Variants in FTCD observed in about 807,000 individuals in gnomAD.
The protein encoded by FTCD is formimidoyltransferase cyclodeaminase, also known as formimidoyltransferase-cyclodeaminase.
A neutral mutation model predicts 62.9 loss-of-function variants in FTCD; 76 were observed. The ratio of observed to expected loss-of-function variants is 1.21; its 90% CI spans 1.00 to 1.46. The LOEUF (loss-of-function observed/expected upper bound fraction) is 1.46. FTCD is among the 40% of genes most tolerant of loss of function. The pLI, the probability that FTCD is intolerant of heterozygous loss-of-function variation, is 0.00. For missense variants in FTCD, 845 were observed against 751.3 expected (o/e 1.12, Z -1.46); for synonymous variants, 397 against 336.9 (o/e 1.18, Z -1.95).
Position 46,136,871 on chromosome 21 carries a change from C to T in FTCD, c.*116G>A, listed in dbSNP as rs200165334. On this transcript the variant is annotated 3_prime_UTR_variant, in exon 14 of 14. Transcript: ENST00000397746. ...TTCCCAGGCGATGCCCCGCTGCCTGCCCACCTACCCTCCGGGCCCCACACG... is the reference window on the plus strand; with the variant it reads ...TTCCCAGGCGATGCCCCGCTGCCTGTCCACCTACCCTCCGGGCCCCACACG... The T allele has an allele frequency of 5.7e-6, 9 of 1,565,256 alleles. No individual in the cohort carries two copies. The highest frequency in any genetic ancestry group is 6.1e-6 in the Non-Finnish European group (7 of 1,155,682).
intron 12 of FTCD, 125 bp downstream of exon 12, chr21:46,138,383 G>GC: frequency 1.1e-6 from 1 of 895,552 alleles, no homozygotes; most frequent in Non-Finnish European, 1.7e-6. Context: ...CCCGGGAACT[G>GC]CCCGTGAAGT....
chr21:46,145,863 A>T lies in FTCD; in HGVS notation c.1053T>A (p.Ser351=). ...RAFVGEVGAR[S]AAPGGGSVAA... ...CCACCGAGCCGCCCCCGGGGGCCGC[A>T]GAGCGGGCACCCACCTCCCCCACGA... Residue 351 remains serine (S), a synonymous_variant, in exon 9 of 14, where the codon TCT becomes TCA. Coordinates refer to ENST00000397746, the MANE Select transcript of FTCD (RefSeq NM_206965.2). The T allele has an allele frequency of 8.6e-7, 1 of 1,168,958 alleles. No homozygotes were observed. 72.4% of individuals were successfully genotyped at this position (1,168,958 alleles called of 1,614,324 possible). A position where few individuals can be genotyped will look rare whatever the true frequency, so the allele number is the denominator to read the frequency against.
chr21:46,139,027 G>A (rs909629301), intron 10 of FTCD, 104 bp from the exon 11 acceptor site: 1 of 887,798 alleles, frequency 1.1e-6, no homozygotes, highest in South Asian at 1.3e-5. Flanking sequence ...TCCCAGGCAG[G>A]GACCAGTTCT....
At position 46,155,498 on chromosome 21, in the gene FTCD, G is replaced by C; in HGVS notation, c.26C>G (p.Pro9Arg). 1 of 1,613,034 alleles carries C rather than the reference G, an allele frequency of 6.2e-7. No homozygotes were observed. Among genetic ancestry groups the C allele is most frequent in the Non-Finnish European group, 8.5e-7 (1 of 1,179,946 alleles). The change falls in exon 1 of 14, where the codon CCC (proline) becomes CGC (arginine). Residue 9 changes from proline (P) to arginine (R), a missense_variant. Physicochemically the swap from Pro to Arg is moderately radical, Grantham distance 103. Transcript: ENST00000397746. MSQLVECV[P>R]NFSEGKNQEV... ...CTGGTTCTTCCCCTCCGAAAAGTTG[G>C]GGACGCATTCCACCAGCTGGGACAT... is the stretch of plus-strand genomic sequence containing the variant.
In FTCD at chr21:46,154,481, G is replaced by A. The variant is rs550731786; in HGVS notation, c.55-149C>T. ...CTCTCCGACAAGCTGAGCTCCCACC[G>A]AAAGTGCCCGCACACAGCGGCCGCC... On this transcript the variant is annotated intron_variant, in intron 1 of 13. Coordinates refer to ENST00000397746, the MANE Select transcript of FTCD (RefSeq NM_206965.2). 2.0e-4 allele frequency: 203 copies of A among 1,006,610 alleles called. No homozygotes were observed. The East Asian group carries it at 4.0e-3, about 20-fold the overall frequency. The allele number at this position is 1,006,610 out of a possible 1,614,324, so 62.4% of individuals were successfully genotyped here.
chr21:46,138,497 G>C lies in FTCD; in HGVS notation c.1443+11C>G, dbSNP rs1280397326. On this transcript the variant is annotated intron_variant, in intron 12 of 13. Transcript: ENST00000397746. ...GCGGCAGGAGGCCTGGGGTCCCCCG[G>C]GCCCCCCTACCTGGAGGTCTGACCG... 1.3e-6 allele frequency: 2 copies of C among 1,578,554 alleles called. No individual in the cohort carries two copies. Among genetic ancestry groups the C allele is most frequent in the Non-Finnish European group, 8.6e-7 (1 of 1,169,508 alleles).
In FTCD at chr21:46,137,378, A is replaced by C. The variant is rs374050212; in HGVS notation, c.1444-44T>G. On this transcript the variant is annotated intron_variant, in intron 12 of 13. Coordinates refer to ENST00000397746, the MANE Select transcript of FTCD (RefSeq NM_206965.2). ...GCCCCTACATGGATCAAGGCTGAGC[A>C]AACTGCCGGAAGGAGGGTCTCTGCC... 11 of 1,425,886 alleles carry C rather than the reference A, an allele frequency of 7.7e-6. No individual in the cohort carries two copies. The African/African-American group carries it at 1.4e-4, about 18-fold the overall frequency. 88.3% of individuals were successfully genotyped at this position (1,425,886 alleles called of 1,614,324 possible).
In FTCD at chr21:46,150,259, G is replaced by T. The variant is rs770178727; in HGVS notation, c.775-9C>A. 2.5e-6 allele frequency: 4 copies of T among 1,608,628 alleles called. No homozygotes were observed. Among genetic ancestry groups the T allele is most frequent in the South Asian group, 2.2e-5 (2 of 90,410 alleles). On this transcript the variant is annotated splice_polypyrimidine_tract_variant and intron_variant, in intron 6 of 13. Coordinates refer to ENST00000397746, the MANE Select transcript of FTCD (RefSeq NM_206965.2). The stretch of plus-strand genomic sequence containing the variant: ...ACTGGGAGGCTCAGCTCCTGCCAAG[G>T]CACAGGCAGCGTCACCCCCTGGGGG...
chr21:46,150,388 C>T lies in FTCD; in HGVS notation c.774G>A (p.Gln258=), dbSNP rs769573553. The change falls in exon 6 of 14, where the codon CAG becomes CAA. Residue 258 remains glutamine, a splice_region_variant and synonymous_variant. Coordinates refer to ENST00000397746, the MANE Select transcript of FTCD (RefSeq NM_206965.2). ...CAGCAGCGGCTGCTCCCGGGCTCAC[C>T]TGTGCTTCTCGGCAGGTCTCCTCGT... is the stretch of plus-strand genomic sequence containing the variant. ...TVYEETCREA[Q]ELSLPVVGSQ... is the part of the protein sequence containing the mutation. 6 of 1,612,922 alleles carry T rather than the reference C, an allele frequency of 3.7e-6. No individual in the cohort carries two copies. In the South Asian group the frequency reaches 4.4e-5, roughly 12 times the overall value.
chr21:46,150,174 A>G lies in FTCD; in HGVS notation c.851T>C (p.Phe284Ser). ...GAAGAGGTTCTCCTTCTCGCAGTAGAAGGCGGCCGCATCCAGCAGAGCCTT... is the reference window on the plus strand; with the variant it reads ...GAAGAGGTTCTCCTTCTCGCAGTAGGAGGCGGCCGCATCCAGCAGAGCCTT... ...PLKALLDAAA[F>S]YCEKENLFIL... Residue 284 changes from phenylalanine to serine, a missense_variant, in exon 7 of 14, where the codon TTC becomes TCC. Transcript: ENST00000397746. 6.2e-7 allele frequency: 1 copy of G among 1,610,342 alleles called. No homozygotes were observed. The highest frequency in any genetic ancestry group is 8.5e-7 in the Non-Finnish European group (1 of 1,179,024).
chr21:46,137,843 G>A (rs1056222997), intron 12 of FTCD, among the ~76,000 whole-genome samples: 1 of 102,108 alleles, frequency 9.8e-6, no homozygotes, highest in Non-Finnish European at 2.1e-5. Flanking sequence ...CTGCCCAGCT[G>A]TGGCCCCTGT....
chr21:46,141,913 G>GC (rs1204822473), intron 10 of FTCD, among the ~76,000 whole-genome samples: 24 of 152,264 alleles, frequency 1.6e-4, no homozygotes, highest in African/African-American at 5.5e-4. Context: ...GGGTGCCCTG[G>GC]GCCCCCCCGG....
At chr21:46,138,961 T>G (rs1429544496) in intron 10 of FTCD, 38 bp from the exon 11 acceptor site, 2 of 1,552,672 alleles carry the variant, frequency 1.3e-6, no homozygotes, top group South Asian at 2.2e-5. Flanking sequence ...CGAGGGACCG[T>G]AGGGGGAGCA....
At chr21:46,137,969 T>C (rs1463936852) in intron 12 of FTCD, among the ~76,000 whole-genome samples, 1 of 152,216 alleles carries the variant, frequency 6.6e-6, no homozygotes, top group Non-Finnish European at 1.5e-5. Flanking sequence ...TGATCACGGC[T>C]CACTGCAGCC....
intron 3 of FTCD, chr21:46,152,576 T>C: frequency 4.0e-6 from 1 of 251,968 alleles, no homozygotes; most frequent in Non-Finnish European, 7.6e-6. Flanking sequence ...TTTGTCCCGT[T>C]TGTCTCTGTT....
At chr21:46,153,644 C>T (rs1009480929) in intron 2 of FTCD, among the ~76,000 whole-genome samples, 1 of 152,256 alleles carries the variant, frequency 6.6e-6, no homozygotes, top group African/African-American at 2.4e-5. Flanking sequence ...CCATCCACCC[C>T]TCAGGATCAC....
intron 1 of FTCD, 137 bp downstream of exon 1, chr21:46,155,333 G>A: frequency 1.3e-6 from 1 of 745,526 alleles, no homozygotes; most frequent in Non-Finnish European, 2.4e-6. Context: ...TGTCCTTGGG[G>A]CCCACGGGCA....
chr21:46,145,841 C>G lies in FTCD; in HGVS notation c.1075G>C (p.Val359Leu), dbSNP rs1185683255. 2.0e-6 allele frequency: 2 copies of G among 1,022,762 alleles called. No individual in the cohort carries two copies. The highest frequency in any genetic ancestry group is 2.3e-5 in the South Asian group (1 of 43,460). 63.4% of individuals were successfully genotyped at this position (1,022,762 alleles called of 1,614,324 possible). A position where few individuals can be genotyped will look rare whatever the true frequency, so the allele number is the denominator to read the frequency against. The change falls in exon 9 of 14, where the codon GTG becomes CTG. Residue 359 changes from valine (V) to leucine (L), a missense_variant. Coordinates refer to ENST00000397746, the MANE Select transcript of FTCD (RefSeq NM_206965.2). ...ARSAAPGGGS[V>L]AAAAAAMGAA... ...ACCATGGCCGCAGCGGCCGCCGCCA[C>G]CGAGCCGCCCCCGGGGGCCGCAGAG...
At chr21:46,152,691 G>T (rs1221965547) in intron 3 of FTCD, 2 of 506,856 alleles carry the variant, frequency 3.9e-6, no homozygotes, top group African/African-American at 3.9e-5. Context: ...CAGCTGCTCT[G>T]CGGTGTAGTC....
Sources: gnomAD v4.1 joint callset for allele counts (sites outside exome capture counted in the v4.1 genomes callset) on GRCh38, gnomAD v4.1.1 for gene constraint, MANE v1.5 for transcripts, NCBI Gene and HGNC (gene_info 2026-07-23, HGNC 2026-07-21) for gene names.